ANKRD30A: variants seen among roughly 807,000 people sequenced by gnomAD.
The protein encoded by ANKRD30A is ankyrin repeat domain-containing protein 30A.
In ANKRD30A, 170 loss-of-function variants were observed where a neutral mutation model predicts 166.3. The observed-to-expected ratio is 1.02, with a 90% CI of 0.90 to 1.16. The LOEUF (loss-of-function observed/expected upper bound fraction) is 1.16. Among genes scored for constraint, ANKRD30A ranks in the 50% most tolerant of loss-of-function variants. The pLI is 0.00. For synonymous variants in ANKRD30A, 564 were observed against 508.9 expected, an observed-to-expected ratio of 1.11 and a Z score of -1.46; for missense variants, 1,630 against 1,518.0, an observed-to-expected ratio of 1.07 and a Z score of -1.23.
chr10:37,255,742 C>G, the ANKRD30A span, among the ~76,000 whole-genome samples: 1 of 152,088 alleles, frequency 6.6e-6, no homozygotes, highest in Non-Finnish European at 1.5e-5. Flanking sequence ...CATATTGGAC[C>G]TCACAGTTTT....
chr10:37,130,307 G>A lies in ANKRD30A; in HGVS notation c.439G>A (p.Val147Ile), dbSNP rs1270910378. The A allele has an allele frequency of 6.2e-6, 10 of 1,600,862 alleles. No individual in the cohort carries two copies. In the East Asian group the frequency reaches 9.2e-5, roughly 15 times the overall value. ...TGGCAACACGGCTCTCCATTATGCT[G>A]TTTATAGTGAGATTTTGTCAGTGGT... ...VYGNTALHYAVYSEILSVVAK... is the reference protein window; with the variant it reads ...VYGNTALHYAIYSEILSVVAK... Residue 147 changes from valine to isoleucine, a missense_variant, in exon 3 of 36, where the codon GTT (valine) becomes ATT (isoleucine). Transcript: ENST00000361713.
chr10:37,167,385 A>T (rs1331350294), intron 19 of ANKRD30A, among the ~76,000 whole-genome samples: 1 of 150,600 alleles, frequency 6.6e-6, no homozygotes, highest in Non-Finnish European at 1.5e-5. Context: ...TTTATTTTTA[A>T]GGAAGCAAAT....
chr10:37,218,848 G>T (rs1458563501), intron 33 of ANKRD30A, 132 bp from the exon 34 acceptor site: 6 of 597,076 alleles, frequency 1.0e-5, no homozygotes, highest in Non-Finnish European at 1.7e-5. Flanking sequence ...TTGATTCAGT[G>T]GTTCTTCAAC....
chr10:37,252,966 A>G, the ANKRD30A span, among the ~76,000 whole-genome samples: 1 of 152,224 alleles, frequency 6.6e-6, no homozygotes, highest in Non-Finnish European at 1.5e-5. Context: ...TTAGTCTAAG[A>G]ATCAACCAGC....
intron 27 of ANKRD30A, 65 bp downstream of exon 27, chr10:37,193,323 G>A (rs1430485949): frequency 1.3e-6 from 2 of 1,511,250 alleles, no homozygotes; most frequent in East Asian, 2.4e-5. Context: ...AATGCTGTGA[G>A]ACTTTTCATT....
chr10:37,227,655 T>A (rs1843221988), intron 34 of ANKRD30A, among the ~76,000 whole-genome samples: 1 of 151,996 alleles, frequency 6.6e-6, no homozygotes, highest in African/African-American at 2.4e-5. Context: ...CACTGCTGAC[T>A]CCATGACTTG....
the ANKRD30A span, among the ~76,000 whole-genome samples, chr10:37,251,779 T>C: frequency 6.6e-6 from 1 of 152,192 alleles, no homozygotes; most frequent in Admixed American, 6.5e-5. Context: ...ACTTTGCTTA[T>C]TTTCATGTGA....
At chr10:37,204,889 C>A (rs1841888618) in intron 31 of ANKRD30A, among the ~76,000 whole-genome samples, 1 of 152,114 alleles carries the variant, frequency 6.6e-6, no homozygotes, top group African/African-American at 2.4e-5. Flanking sequence ...CAAATCAAAA[C>A]CATGATGAGA....
chr10:37,166,036 AC>A (rs749468546), intron 18 of ANKRD30A, among the ~76,000 whole-genome samples: 2 of 152,184 alleles, frequency 1.3e-5, no homozygotes, highest in East Asian at 1.9e-4. Context: ...TTTTTCTCTC[AC>A]CAAAAATTTT....
At chr10:37,171,424 A>G (rs1458063626) in intron 21 of ANKRD30A, among the ~76,000 whole-genome samples, 1 of 149,922 alleles carries the variant, frequency 6.7e-6, no homozygotes, top group African/African-American at 2.5e-5. Flanking sequence ...AATACGCATT[A>G]CAACTGTTAC....
chr10:37,259,293 G>T, the ANKRD30A span, among the ~76,000 whole-genome samples: 3 of 152,058 alleles, frequency 2.0e-5, no homozygotes, highest in Non-Finnish European at 2.9e-5. Flanking sequence ...TTCATCAAAG[G>T]CATGCAACTT....
chr10:37,219,789 G>A lies in ANKRD30A; in HGVS notation c.4077G>A (p.Arg1359=), dbSNP rs199986544. ...KITIDIHFLE[R]KMQHHLLKEK... ...CAATTGATATTCATTTTCTTGAGAG[G>A]AAAATGCAACATCATCTCCTAAAAG... is the stretch of plus-strand genomic sequence containing the variant. The change falls in exon 34 of 36, where the codon AGG becomes AGA. Residue 1359 remains arginine (R), a synonymous_variant. Transcript: ENST00000361713. 67 of 1,606,544 alleles carry A rather than the reference G, an allele frequency of 4.2e-5. 1 individual carries two copies. Among genetic ancestry groups the A allele is most frequent in the Admixed American group, 3.7e-4 (22 of 59,298 alleles).
intron 25 of ANKRD30A, 78 bp from the exon 26 acceptor site, chr10:37,192,986 A>G: frequency 1.3e-6 from 2 of 1,494,540 alleles, no homozygotes; most frequent in Non-Finnish European, 1.9e-6. Flanking sequence ...ATTCATCTTC[A>G]TGTTGACAGT....
chr10:37,201,202 AT>A, intron 30 of ANKRD30A, 32 bp from the exon 31 acceptor site: 2 of 1,437,200 alleles, frequency 1.4e-6, no homozygotes, highest in Non-Finnish European at 1.9e-6. Context: ...GGATTTTTCC[AT>A]TGAAATTATT....
chr10:37,157,521 A>G (rs1838477562), intron 13 of ANKRD30A, among the ~76,000 whole-genome samples: 2 of 152,140 alleles, frequency 1.3e-5, no homozygotes, highest in African/African-American at 4.8e-5. Flanking sequence ...ATGTACCACC[A>G]TACCTGGCTG....
chr10:37,151,931 G>A lies in ANKRD30A; in HGVS notation c.1646-129G>A, dbSNP rs17590099. Reference sequence around the variant, plus strand: ...GACTATAGAAGTAGTTATTGTAATCGACAAAAAGAATATACGGGCCACAGA... The same window carrying A: ...GACTATAGAAGTAGTTATTGTAATCAACAAAAAGAATATACGGGCCACAGA... On this transcript the variant is annotated intron_variant, in intron 11 of 35. Transcript: ENST00000361713. The A allele has an allele frequency of 9.3e-5, 69 of 744,546 alleles. 1 individual carries two copies. Among genetic ancestry groups the A allele is most frequent in the East Asian group, 8.7e-4 (28 of 32,046 alleles). The allele number at this position is 744,546 out of a possible 1,614,324, so 46.1% of individuals were successfully genotyped here.
chr10:37,165,281 A>T lies in ANKRD30A; in HGVS notation c.2064+126A>T. 3 of 904,986 alleles carry T rather than the reference A, an allele frequency of 3.3e-6. No individual in the cohort carries two copies. The South Asian group carries it at 4.9e-5, about 15-fold the overall frequency. 56.1% of individuals were successfully genotyped at this position (904,986 alleles called of 1,614,324 possible). On this transcript the variant is annotated intron_variant, in intron 18 of 35. Coordinates refer to ENST00000361713, the MANE Select transcript of ANKRD30A (RefSeq NM_052997.3). ...CCTCAAATTATTTTTGATGTTTTTC[A>T]GTATATGCTTAATGGAGAATCTATG...
rs144660184 is a variant in ANKRD30A, at chr10:37,230,944, T to C, written c.4186-517T>C. On this transcript the variant is annotated intron_variant, in intron 34 of 35. Transcript: ENST00000361713. The stretch of plus-strand genomic sequence containing the variant: ...GTCTTTGAAGCTGCTTTAGTTCTTT[T>C]TGATCTCTCACTCAGCTATCTTTGT... 5.5e-4 allele frequency among the ~76,000 whole-genome samples: 83 copies of C among 152,230 alleles called. No individual in the cohort carries two copies. The East Asian group carries it at 0.015, about 28-fold the overall frequency.
chr10:37,233,256 A>C (rs894445200), downstream of ANKRD30A, among the ~76,000 whole-genome samples: 1 of 152,094 alleles, frequency 6.6e-6, no homozygotes, highest in Non-Finnish European at 1.5e-5. Flanking sequence ...TTGATAGCTT[A>C]GTTTTATTTT....
Sources: allele counts gnomAD v4.1 joint callset (sites outside exome capture counted in the v4.1 genomes callset), GRCh38; gene constraint gnomAD v4.1.1; transcripts MANE v1.5; gene names NCBI Gene and HGNC (gene_info 2026-07-23, HGNC 2026-07-21).